Variants in ARL6IP6 observed in about 807,000 individuals in gnomAD.
ARL6IP6 encodes the protein ADP-ribosylation factor-like protein 6-interacting protein 6.
Under a neutral mutation model 21.5 loss-of-function variants are expected in ARL6IP6, and 22 were observed. The ratio of observed to expected loss-of-function variants is 1.02; its 90% confidence interval spans 0.73 to 1.46. The LOEUF is 1.46. Among genes scored for constraint, ARL6IP6 ranks in the 40% most tolerant of loss-of-function variants. The pLI, the probability that ARL6IP6 is intolerant of heterozygous loss-of-function variation, is 0.00. For synonymous variants in ARL6IP6, 164 were observed against 125.3 expected, an observed-to-expected ratio of 1.31 and a Z score of -2.06; for missense variants, 388 against 299.8, an observed-to-expected ratio of 1.29 and a Z score of -2.17.
chr2:152,747,533 G>T (rs976281290), intron 3 of ARL6IP6, among the ~76,000 whole-genome samples: 3 of 151,622 alleles, frequency 2.0e-5, no homozygotes, highest in Non-Finnish European at 4.4e-5. Flanking sequence ...TGTTATCTTC[G>T]AAGGCAGTAC....
At chr2:152,729,051 T>C (rs1002664135) in intron 2 of ARL6IP6, among the ~76,000 whole-genome samples, 2 of 142,496 alleles carry the variant, frequency 1.4e-5, no homozygotes, top group African/African-American at 5.3e-5. Context: ...GCAAGATTCC[T>C]TCTCAAAAAA....
At chr2:152,720,855 C>G (rs766322034) in intron 2 of ARL6IP6, among the ~76,000 whole-genome samples, 7 of 152,168 alleles carry the variant, frequency 4.6e-5, no homozygotes, top group Non-Finnish European at 7.3e-5. Flanking sequence ...CTTTGGGAAG[C>G]TGAGGCAGTA....
chr2:152,725,117 G>T (rs1228720820), intron 2 of ARL6IP6, among the ~76,000 whole-genome samples: 2 of 151,958 alleles, frequency 1.3e-5, no homozygotes, highest in Non-Finnish European at 2.9e-5. Flanking sequence ...TTCTTTCTTA[G>T]GGATCTTCAA....
intron 3 of ARL6IP6, among the ~76,000 whole-genome samples, chr2:152,751,418 A>G (rs1482352161): frequency 1.1e-4 from 17 of 152,186 alleles, no homozygotes; most frequent in Admixed American, 1.1e-3. Context: ...TTTACCCTAA[A>G]GTGCTATAGA....
chr2:152,756,384 A>G (rs919788308), intron 3 of ARL6IP6, among the ~76,000 whole-genome samples: 8 of 152,214 alleles, frequency 5.3e-5, no homozygotes, highest in African/African-American at 1.7e-4. Context: ...TCATTAAGAT[A>G]CAGAATATCT....
intron 3 of ARL6IP6, among the ~76,000 whole-genome samples, chr2:152,749,576 G>A (rs1015431304): frequency 5.3e-5 from 8 of 152,260 alleles, no homozygotes; most frequent in African/African-American, 1.9e-4. Flanking sequence ...CTATGTGCCA[G>A]ACACCTGGTA....
intron 2 of ARL6IP6, among the ~76,000 whole-genome samples, chr2:152,727,043 G>A (rs1414862745): frequency 3.9e-5 from 6 of 152,132 alleles, no homozygotes; most frequent in Non-Finnish European, 7.4e-5. Context: ...AAAGTTGACT[G>A]TAAAACAGCC....
At chr2:152,723,442 C>T (rs149696682) in intron 2 of ARL6IP6, among the ~76,000 whole-genome samples, 1 of 152,300 alleles carries the variant, frequency 6.6e-6, no homozygotes, top group Admixed American at 6.5e-5. Flanking sequence ...TTATTGCCCA[C>T]ACATGCTATT....
chr2:152,720,064 T>C, intron 1 of ARL6IP6: 7 of 425,380 alleles, frequency 1.6e-5, no homozygotes, highest in South Asian at 1.2e-4. Context: ...TGCCAATGTT[T>C]CATTTATCAT....
intron 3 of ARL6IP6, among the ~76,000 whole-genome samples, chr2:152,742,288 C>T (rs1700847677): frequency 6.6e-6 from 1 of 152,132 alleles, no homozygotes; most frequent in African/African-American, 2.4e-5. Context: ...TAATCGTGGG[C>T]TGGGCATGGT....
chr2:152,758,782 T>C (rs377564142), intron 3 of ARL6IP6, among the ~76,000 whole-genome samples: 12 of 152,202 alleles, frequency 7.9e-5, no homozygotes, highest in African/African-American at 1.4e-4. Flanking sequence ...TGAGGTGCTC[T>C]TCAAGTGTTA....
At chr2:152,756,099 G>GT (rs905539285) in intron 3 of ARL6IP6, among the ~76,000 whole-genome samples, 47 of 152,148 alleles carry the variant, frequency 3.1e-4, no homozygotes, top group African/African-American at 1.1e-3. Context: ...TCTAATTTAG[G>GT]TTTTTTCTTT....
At chr2:152,722,681 T>A (rs1274516786) in intron 2 of ARL6IP6, among the ~76,000 whole-genome samples, 1 of 152,104 alleles carries the variant, frequency 6.6e-6, no homozygotes, top group Non-Finnish European at 1.5e-5. Context: ...GGCGGGTGGA[T>A]CACTTGAGGT....
chr2:152,718,470 C>T (rs1188519888), upstream of ARL6IP6: 13 of 1,133,762 alleles, frequency 1.1e-5, no homozygotes, highest in Non-Finnish European at 1.5e-5. Context: ...CTGCGGCTTC[C>T]TTTGCAACCC....
rs113464992 is a variant in ARL6IP6 at position 152,723,651 on chromosome 2, A to G, written c.454+3065A>G. Among the ~76,000 whole-genome samples the G allele has an allele frequency of 6.3e-3, 964 of 152,356 alleles. 13 individuals carry two copies. Among genetic ancestry groups the G allele is most frequent in the African/African-American group, 0.021 (892 of 41,586 alleles). On this transcript the variant is annotated intron_variant, in intron 2 of 3. Transcript: ENST00000326446. ...TTAATTGCAATTTAATCCTAGTCCA[A>G]GATTGGCATGGCAGTCAGTAAGAAC... is the stretch of plus-strand genomic sequence containing the variant.
Position 152,718,972 on chromosome 2 carries a change from C to G in ARL6IP6, c.348C>G (p.Leu116=), listed in dbSNP as rs774928726. ...VQVLSILCSL[L]FAILLAFLLA... ...TCCTCTCTATTCTCTGCTCGCTGCTCTTCGCCATTCTTCTCGCCTTCCTCC... is the reference window on the plus strand; with the variant it reads ...TCCTCTCTATTCTCTGCTCGCTGCTGTTCGCCATTCTTCTCGCCTTCCTCC... The change falls in exon 1 of 4, where the codon CTC becomes CTG. Residue 116 remains leucine (L), a synonymous_variant. Coordinates refer to ENST00000326446, the MANE Select transcript of ARL6IP6 (RefSeq NM_152522.7). The G allele has an allele frequency of 1.9e-6, 3 of 1,591,354 alleles. No individual in the cohort carries two copies. Among genetic ancestry groups the G allele is most frequent in the South Asian group, 2.3e-5 (2 of 88,248 alleles).
intron 3 of ARL6IP6, among the ~76,000 whole-genome samples, chr2:152,743,988 A>G (rs898551349): frequency 2.0e-5 from 3 of 152,174 alleles, no homozygotes; most frequent in Non-Finnish European, 2.9e-5. Flanking sequence ...GTTGACTTCT[A>G]TGCTAAGAGA....
chr2:152,740,207 A>G (rs1700743565), intron 3 of ARL6IP6, among the ~76,000 whole-genome samples: 1 of 152,122 alleles, frequency 6.6e-6, no homozygotes, highest in Admixed American at 6.5e-5. Flanking sequence ...GGCTCAAGTG[A>G]TCCTCCTGCC....
At chr2:152,725,665 G>A (rs766284138) in intron 2 of ARL6IP6, among the ~76,000 whole-genome samples, 10 of 151,618 alleles carry the variant, frequency 6.6e-5, no homozygotes, top group Admixed American at 1.3e-4. Flanking sequence ...AAAAAAAGCA[G>A]GAATAATGAC....
Sources: allele counts gnomAD v4.1 joint callset (sites outside exome capture counted in the v4.1 genomes callset), GRCh38; gene constraint gnomAD v4.1.1; transcripts MANE v1.5; gene names NCBI Gene and HGNC (gene_info 2026-07-23, HGNC 2026-07-21).